Variants in GMEB1 observed in about 807,000 individuals in gnomAD.
GMEB1 encodes the protein glucocorticoid modulatory element binding protein 1.
A neutral mutation model predicts 52.4 loss-of-function variants in GMEB1; 6 were observed. The ratio of observed to expected loss-of-function variants is 0.11; its 90% CI spans 0.06 to 0.23. GMEB1 has a LOEUF of 0.23. GMEB1 is among the 10% of genes least tolerant of loss of function. GMEB1 has a pLI of 1.00. For missense variants in GMEB1, 486 were observed against 685.6 expected, an observed-to-expected ratio of 0.71 and a Z score of 3.25; for synonymous variants, 255 against 244.9, an observed-to-expected ratio of 1.04 and a Z score of -0.38.
chr1:28,672,262 C>T (rs1570372702), intron 1 of GMEB1, among the ~76,000 whole-genome samples: 3 of 145,448 alleles, frequency 2.1e-5, no homozygotes, highest in Middle Eastern at 7.4e-3. Flanking sequence ...ACTCTGTCGC[C>T]CAGGCTGGAG....
intron 8 of GMEB1, among the ~76,000 whole-genome samples, chr1:28,709,312 G>T (rs996477658): frequency 6.6e-6 from 1 of 151,470 alleles, no homozygotes; most frequent in African/African-American, 2.4e-5. Context: ...ATCTCAAAAA[G>T]AAAAAAATAA....
Position 28,714,799 on chromosome 1 carries a change from T to C in GMEB1, c.*26T>C, listed in dbSNP as rs745721067. 4.9e-6 allele frequency: 7 copies of C among 1,440,756 alleles called. No individual in the cohort carries two copies. The highest frequency in any genetic ancestry group is 4.7e-5 in the South Asian group (4 of 84,268). The allele number at this position is 1,440,756 out of a possible 1,614,324, so 89.2% of individuals were successfully genotyped here. On this transcript the variant is annotated 3_prime_UTR_variant, in exon 10 of 10. Transcript: ENST00000373816. The stretch of plus-strand genomic sequence containing the variant: ...CTGGGGATCTCAGGGCCAGGAGTTA[T>C]GTTTTGATTTGGAATTTTAATTATT...
In GMEB1 at chr1:28,696,782, T is replaced by G; in HGVS notation, c.441-145T>G. 4 of 517,356 alleles carry G rather than the reference T, an allele frequency of 7.7e-6. No homozygotes were observed. In the South Asian group the frequency reaches 2.4e-4, roughly 32 times the overall value. The allele number at this position is 517,356 out of a possible 1,614,324, so 32.0% of individuals were successfully genotyped here. A position where few individuals can be genotyped will look rare whatever the true frequency, so the allele number is the denominator to read the frequency against. On this transcript the variant is annotated intron_variant, in intron 5 of 9. Transcript: ENST00000373816. ...AAATTTAAAGCCCCAATTAGAATTTTTGCAACCTAATGACTTCTAACACTA... is the reference window on the plus strand; with the variant it reads ...AAATTTAAAGCCCCAATTAGAATTTGTGCAACCTAATGACTTCTAACACTA...
chr1:28,675,471 G>T (rs1049756831), intron 1 of GMEB1, among the ~76,000 whole-genome samples: 1 of 151,816 alleles, frequency 6.6e-6, no homozygotes, highest in Non-Finnish European at 1.5e-5. Context: ...TTGAGACCAG[G>T]AGTTCTGACA....
chr1:28,704,910 C>CA (rs1670675766), intron 8 of GMEB1, among the ~76,000 whole-genome samples: 1 of 151,444 alleles, frequency 6.6e-6, no homozygotes, highest in Non-Finnish European at 1.5e-5. Context: ...TCCCAGCCTA[C>CA]AAAAAACTTT....
intron 1 of GMEB1, among the ~76,000 whole-genome samples, chr1:28,677,738 A>C (rs1570382628): frequency 6.6e-6 from 1 of 152,174 alleles, no homozygotes; most frequent in African/African-American, 2.4e-5. Flanking sequence ...TGTATGCTTT[A>C]TCACATTCCT....
chr1:28,669,619 C>T (rs1368381108), intron 1 of GMEB1, among the ~76,000 whole-genome samples: 2 of 151,858 alleles, frequency 1.3e-5, no homozygotes, highest in African/African-American at 4.8e-5. Context: ...CAGATGAGCG[C>T]GTGGTAGGAA....
At chr1:28,669,518 C>T (rs1170499298) in intron 1 of GMEB1, among the ~76,000 whole-genome samples, 5 of 151,970 alleles carry the variant, frequency 3.3e-5, no homozygotes, top group African/African-American at 9.7e-5. Context: ...GCCTCGGCCA[C>T]TCAGAACAAG....
In GMEB1 at chr1:28,710,555, G is replaced by T; in HGVS notation, c.904G>T (p.Gly302Cys). The change falls in exon 9 of 10, where the codon GGC becomes TGC. Residue 302 changes from glycine (G) to cysteine (C), a missense_variant. Physicochemically the swap from Gly to Cys is radical, Grantham distance 159 (BLOSUM62 -3). Transcript: ENST00000373816. ...TCTCAACAATGTAGCACACACATTT[G>T]GCCTAATGGACACAGTCAAGAAGGT... Reference protein sequence around the residue: ...AVLNNVAHTFGLMDTVKKVLD... With the variant: ...AVLNNVAHTFCLMDTVKKVLD... The T allele has an allele frequency of 1.9e-6, 3 of 1,610,466 alleles. No homozygotes were observed. The highest frequency in any genetic ancestry group is 2.5e-6 in the Non-Finnish European group (3 of 1,178,248).
At chr1:28,706,005 T>G (rs35923531) in intron 8 of GMEB1, among the ~76,000 whole-genome samples, 14 of 150,258 alleles carry the variant, frequency 9.3e-5, no homozygotes, top group African/African-American at 2.9e-4. Context: ...ATACAGAAAA[T>G]TAGCCGGGCG....
chr1:28,701,148 CTT>C (rs1241108639), intron 6 of GMEB1, among the ~76,000 whole-genome samples: 3 of 151,620 alleles, frequency 2.0e-5, no homozygotes, highest in Admixed American at 6.6e-5. Flanking sequence ...GGCTAAAAGT[CTT>C]TTACTTGATT....
intron 1 of GMEB1, among the ~76,000 whole-genome samples, chr1:28,679,843 C>G (rs1669317664): frequency 6.7e-6 from 1 of 148,720 alleles, no homozygotes; most frequent in Non-Finnish European, 1.5e-5. Context: ...CTCTTGTTGT[C>G]CGGGCTGGAG....
At chr1:28,710,961 G>A (rs1224695521) in intron 9 of GMEB1, among the ~76,000 whole-genome samples, 1 of 151,942 alleles carries the variant, frequency 6.6e-6, no homozygotes, top group African/African-American at 2.4e-5. Context: ...TTACATTATT[G>A]ATACTGCATC....
intron 2 of GMEB1, among the ~76,000 whole-genome samples, chr1:28,685,330 C>T (rs1227160054): frequency 6.6e-6 from 1 of 151,872 alleles, no homozygotes; most frequent in Non-Finnish European, 1.5e-5. Flanking sequence ...CTGCCTCAGA[C>T]TCCCAAGCAG....
chr1:28,710,492 G>T, intron 8 of GMEB1, 28 bp from the exon 9 acceptor site: 1 of 1,563,828 alleles, frequency 6.4e-7, no homozygotes, highest in Non-Finnish European at 8.6e-7. Context: ...TGTTTTAACT[G>T]GACAGGCATG....
intron 1 of GMEB1, among the ~76,000 whole-genome samples, chr1:28,673,816 C>A (rs917222017): frequency 6.6e-6 from 1 of 151,766 alleles, no homozygotes; most frequent in African/African-American, 2.4e-5. Flanking sequence ...GAGTTTGACA[C>A]CAGGCTAGGC....
intron 1 of GMEB1, among the ~76,000 whole-genome samples, chr1:28,678,935 G>A (rs933361516): frequency 4.0e-5 from 6 of 151,790 alleles, no homozygotes; most frequent in African/African-American, 1.5e-4. Flanking sequence ...TTTTTGAGAC[G>A]GAGTCTCGCT....
chr1:28,707,935 G>C (rs1321213650), intron 8 of GMEB1, among the ~76,000 whole-genome samples: 3 of 150,530 alleles, frequency 2.0e-5, no homozygotes, highest in Non-Finnish European at 4.4e-5. Context: ...GTCTTGCTCT[G>C]TCATCCAGGC....
chr1:28,709,341 AT>A (rs1014562864), intron 8 of GMEB1, among the ~76,000 whole-genome samples: 1 of 152,056 alleles, frequency 6.6e-6, no homozygotes, highest in African/African-American at 2.4e-5. Flanking sequence ...ATAATCTTGC[AT>A]GCCAGTCCCC....
Sources: gnomAD v4.1 joint callset for allele counts (sites outside exome capture counted in the v4.1 genomes callset) on GRCh38, gnomAD v4.1.1 for gene constraint, MANE v1.5 for transcripts, NCBI Gene and HGNC (gene_info 2026-07-23, HGNC 2026-07-21) for gene names.